Variants in ODF2L observed in about 807,000 individuals in gnomAD.
ODF2L encodes protein BCAP.
ODF2L carries 76 observed loss-of-function variants against 86.3 expected under a neutral mutation model. The ratio of observed to expected loss-of-function variants is 0.88; its 90% confidence interval spans 0.73 to 1.07. ODF2L has a LOEUF of 1.07. Ranked by LOEUF, ODF2L falls within the 50% of genes least tolerant of loss-of-function variation. ODF2L has a pLI of 0.00. For synonymous variants in ODF2L, 241 were observed against 231.3 expected, an observed-to-expected ratio of 1.04 and a Z score of -0.38; for missense variants, 748 against 717.4, an observed-to-expected ratio of 1.04 and a Z score of -0.49.
In ODF2L at chr1:86,383,131, T is replaced by TA. The variant is rs2101322601; in HGVS notation, c.435+2dup. On this transcript the variant is annotated splice_region_variant and intron_variant, in intron 5 of 17. Transcript: ENST00000317336. ...GACACAAAGTAAGTGTGGAAAGACTTACAGTATTTTCACTTTCATTATCAG... is the reference window on the plus strand; with the variant it reads ...GACACAAAGTAAGTGTGGAAAGACTTAACAGTATTTTCACTTTCATTATCAG... 2 of 1,542,460 alleles carry TA rather than the reference T, an allele frequency of 1.3e-6. No homozygotes were observed. The highest frequency in any genetic ancestry group is 8.9e-7 in the Non-Finnish European group (1 of 1,122,140).
At chr1:86,393,942 C>T (rs1661516258) in intron 1 of ODF2L, among the ~76,000 whole-genome samples, 1 of 152,088 alleles carries the variant, frequency 6.6e-6, no homozygotes, top group Admixed American at 6.5e-5. Context: ...GCCCAATTAC[C>T]CGGAAAAAGA....
intron 11 of ODF2L, among the ~76,000 whole-genome samples, chr1:86,365,245 A>G (rs1659320097): frequency 6.6e-6 from 1 of 152,206 alleles, no homozygotes; most frequent in African/African-American, 2.4e-5. Context: ...TAAAAAAAGT[A>G]AAGTACTTAT....
intron 8 of ODF2L, among the ~76,000 whole-genome samples, chr1:86,375,622 T>C (rs570471130): frequency 6.6e-6 from 1 of 152,332 alleles, no homozygotes; most frequent in South Asian, 2.1e-4. Context: ...TTCAAATTTG[T>C]ACTATACCAA....
chr1:86,390,883 A>T (rs1661276938), intron 1 of ODF2L, among the ~76,000 whole-genome samples: 1 of 152,220 alleles, frequency 6.6e-6, no homozygotes, highest in Admixed American at 6.5e-5. Context: ...GGTAAACAGG[A>T]AGTCAAACCG....
intron 14 of ODF2L, chr1:86,355,466 T>C (rs1033220849): frequency 4.0e-6 from 3 of 746,236 alleles, no homozygotes; most frequent in African/African-American, 3.6e-5. Context: ...GGCTAATCTA[T>C]GTCGTTTGAC....
intron 11 of ODF2L, among the ~76,000 whole-genome samples, chr1:86,365,792 G>C (rs1406180124): frequency 1.3e-5 from 2 of 152,112 alleles, no homozygotes; most frequent in African/African-American, 4.8e-5. Context: ...ATCTAGAGAG[G>C]CACAGGGCTA....
Position 86,350,716 on chromosome 1 carries a change from C to T in ODF2L, c.*1475G>A, listed in dbSNP as rs544388365. On this transcript the variant is annotated 3_prime_UTR_variant, in exon 18 of 18. Transcript: ENST00000317336. ...TGGTTGAACTAATTTACACTCCCAC[C>T]AACAGTGTAAAAGCATCCTATTTCT... 4 of 152,338 alleles carry T rather than the reference C, an allele frequency of 2.6e-5. No homozygotes were observed. The South Asian group carries it at 8.3e-4, about 32-fold the overall frequency. 9.4% of individuals were successfully genotyped at this position (152,338 alleles called of 1,614,324 possible).
At chr1:86,368,798 T>C (rs1246569660) in intron 10 of ODF2L, 2 of 1,230,354 alleles carry the variant, frequency 1.6e-6, no homozygotes, top group African/African-American at 3.1e-5. Flanking sequence ...GTTAAAAACA[T>C]TGGGAATAAC....
intron 1 of ODF2L, among the ~76,000 whole-genome samples, chr1:86,394,054 T>C (rs1041178312): frequency 1.3e-5 from 2 of 152,210 alleles, no homozygotes; most frequent in Non-Finnish European, 2.9e-5. Flanking sequence ...ACGACAGCTG[T>C]TGCCATTTAC....
intron 7 of ODF2L, among the ~76,000 whole-genome samples, chr1:86,379,839 T>C (rs1660440769): frequency 6.6e-6 from 1 of 152,194 alleles, no homozygotes; most frequent in Non-Finnish European, 1.5e-5. Flanking sequence ...TGAGGACATG[T>C]TTCTATCATT....
Position 86,356,572 on chromosome 1 carries a change from C to G in ODF2L, c.1390G>C (p.Glu464Gln), listed in dbSNP as rs768694603. ...AAGGAATCGCAGACACGCTCTAACT[C>G]CTTCAGATGAGACTCCATCTGGCCT... Residue 464 changes from glutamate to glutamine, a missense_variant, in exon 14 of 18, where the codon GAG becomes CAG. By Grantham distance (29) the Glu-to-Gln change is conservative (BLOSUM62 2). Transcript: ENST00000317336. 15 of 1,613,930 alleles carry G rather than the reference C, an allele frequency of 9.3e-6. No individual in the cohort carries two copies. In the Admixed American group the frequency reaches 2.5e-4, roughly 27 times the overall value.
At chr1:86,362,929 A>T (rs1287367476) in intron 11 of ODF2L, among the ~76,000 whole-genome samples, 14 of 152,210 alleles carry the variant, frequency 9.2e-5, no homozygotes, top group Admixed American at 9.2e-4. Context: ...AAGTGCTGGG[A>T]TTACAGCGTG....
chr1:86,354,634 C>T, exon 16 of ODF2L: 2 of 1,612,428 alleles, frequency 1.2e-6, no homozygotes, highest in African/African-American at 1.3e-5. Context: ...AGACATTCTT[C>T]TTGGTTTGCC....
chr1:86,368,712 G>A (rs750292733), exon 11 of ODF2L: 297 of 1,443,660 alleles, frequency 2.1e-4, no homozygotes, highest in Non-Finnish European at 2.6e-4. Flanking sequence ...AATTCTACAT[G>A]GGAATCTAAG....
At chr1:86,369,896 T>C (rs1659679662) in intron 10 of ODF2L, among the ~76,000 whole-genome samples, 1 of 152,162 alleles carries the variant, frequency 6.6e-6, no homozygotes, top group African/African-American at 2.4e-5. Context: ...AATAATCTTT[T>C]AAAATAACAA....
chr1:86,350,942 G>A (rs903056960), exon 18 of ODF2L: 1 of 151,108 alleles, frequency 6.6e-6, no homozygotes, highest in Admixed American at 6.6e-5. Context: ...TTTTTGATGG[G>A]GTTTTTTTTC....
chr1:86,366,028 C>T (rs1047860112), intron 11 of ODF2L, among the ~76,000 whole-genome samples: 7 of 152,112 alleles, frequency 4.6e-5, no homozygotes, highest in East Asian at 1.9e-4. Context: ...AGAGCAAAGA[C>T]GCATGTATTT....
exon 18 of ODF2L, chr1:86,352,172 G>T: frequency 6.6e-7 from 1 of 1,513,504 alleles, no homozygotes; most frequent in Non-Finnish European, 8.8e-7. Context: ...TAGACACTTG[G>T]GAATTAAAAA....
intron 11 of ODF2L, among the ~76,000 whole-genome samples, chr1:86,364,394 T>C (rs1659254920): frequency 6.6e-6 from 1 of 152,150 alleles, no homozygotes; most frequent in Non-Finnish European, 1.5e-5. Flanking sequence ...GCATTTGAGC[T>C]AAAATTTAAA....
Sources: gnomAD v4.1 joint callset for allele counts (sites outside exome capture counted in the v4.1 genomes callset) on GRCh38, gnomAD v4.1.1 for gene constraint, MANE v1.5 for transcripts, NCBI Gene and HGNC (gene_info 2026-07-23, HGNC 2026-07-21) for gene names.